Variants in SHLD1 observed in about 807,000 individuals in gnomAD.
SHLD1 encodes the protein shieldin complex subunit 1.
A neutral mutation model predicts 5.5 loss-of-function variants in SHLD1; 3 were observed. That is an observed-to-expected ratio of 0.54 (90% CI 0.25 to 1.40). The LOEUF (loss-of-function observed/expected upper bound fraction) is 1.40, where lower values mean the gene tolerates loss of function less well. Ranked by LOEUF, SHLD1 falls within the 40% of genes most tolerant of loss-of-function variation. The pLI is 0.15. For synonymous variants in SHLD1, 92 were observed against 94.3 expected, an observed-to-expected ratio of 0.98 and a Z score of 0.14; for missense variants, 210 against 244.4, an observed-to-expected ratio of 0.86 and a Z score of 0.94.
intron 2 of SHLD1, among the ~76,000 whole-genome samples, chr20:5,807,361 TTC>T (rs2087392618): frequency 1.3e-5 from 2 of 151,840 alleles, no homozygotes; most frequent in African/African-American, 4.8e-5. Context: ...CTTCTTTTCT[TTC>T]TCTCTCTTTC....
At chr20:5,805,249 C>T (rs1423657529) in intron 2 of SHLD1, among the ~76,000 whole-genome samples, 3 of 152,148 alleles carry the variant, frequency 2.0e-5, no homozygotes, top group Non-Finnish European at 4.4e-5. Flanking sequence ...ACTCTGCCCT[C>T]TGGGTTCAAG....
rs1053891790 is a variant in SHLD1 at position 5,805,577 on chromosome 20, G to A, written c.178+32534G>A. ...AAATAGGAATGTAAATGCTTGAACT[G>A]TTGATTAAATTTGTGTGTTGTGTTG... On this transcript the variant is annotated intron_variant, in intron 2 of 2. Coordinates refer to ENST00000303142, the MANE Select transcript of SHLD1 (RefSeq NM_152504.4). Among the ~76,000 whole-genome samples, 5 of 152,182 alleles carry A rather than the reference G, an allele frequency of 3.3e-5. 1 individual carries two copies. The East Asian group carries it at 9.7e-4, about 29-fold the overall frequency.
At chr20:5,785,997 C>T (rs776643528) in intron 2 of SHLD1, among the ~76,000 whole-genome samples, 1 of 152,060 alleles carries the variant, frequency 6.6e-6, no homozygotes, top group Non-Finnish European at 1.5e-5. Flanking sequence ...GTGGAAGAAG[C>T]TTGAACTACT....
At chr20:5,823,053 G>T (rs954177193) in intron 2 of SHLD1, among the ~76,000 whole-genome samples, 15 of 140,204 alleles carry the variant, frequency 1.1e-4, no homozygotes, top group African/African-American at 3.2e-4. Context: ...GAACTGTGGT[G>T]TCTTTTGTCC....
chr20:5,799,614 T>A (rs896939984), intron 2 of SHLD1, among the ~76,000 whole-genome samples: 1 of 151,844 alleles, frequency 6.6e-6, no homozygotes, highest in Admixed American at 6.6e-5. Context: ...GCGCCCAGCC[T>A]TCTGTTATCA....
At chr20:5,823,650 G>A (rs913682623) in intron 2 of SHLD1, among the ~76,000 whole-genome samples, 1 of 152,006 alleles carries the variant, frequency 6.6e-6, no homozygotes, top group East Asian at 1.9e-4. Flanking sequence ...GTTTCACCAT[G>A]TTGGCCAGGC....
At chr20:5,781,482 A>G (rs886684388) in intron 2 of SHLD1, among the ~76,000 whole-genome samples, 4 of 152,004 alleles carry the variant, frequency 2.6e-5, no homozygotes, top group African/African-American at 9.7e-5. Context: ...GTCATATTAC[A>G]CTACTTTTGT....
rs1473391202 is a variant in SHLD1, at chr20:5,817,432, C to CTCTCTCTCTCTG, written c.178+44390_178+44391insCTCTCTCTCTGT. On this transcript the variant is annotated intron_variant, in intron 2 of 2. Transcript: ENST00000303142. Reference sequence around the variant, plus strand: ...TCTCTCTCTCTCTCTCTCTCTCTCTCTGTGTGTGTGTGTGTGTGTGTGTGT... The same window carrying CTCTCTCTCTCTG: ...TCTCTCTCTCTCTCTCTCTCTCTCTCTCTCTCTCTCTGTGTGTGTGTGTGTGTGTGTGTGTGT... Among the ~76,000 whole-genome samples the CTCTCTCTCTCTG allele has an allele frequency of 6.6e-3, 564 of 85,610 alleles. 8 individuals carry two copies. Among genetic ancestry groups the CTCTCTCTCTCTG allele is most frequent in the African/African-American group, 0.02 (350 of 17,944 alleles). The allele number at this position is 85,610 out of a possible 152,430, so 56.2% of individuals were successfully genotyped here.
At chr20:5,756,744 T>A (rs2122177428) in intron 1 of SHLD1, 1 of 247,750 alleles carries the variant, frequency 4.0e-6, no homozygotes. Flanking sequence ...CAAGCTGGAG[T>A]ACAATGACAA....
chr20:5,825,034 G>T (rs971303314), intron 2 of SHLD1, among the ~76,000 whole-genome samples: 1 of 152,180 alleles, frequency 6.6e-6, no homozygotes, highest in African/African-American at 2.4e-5. Flanking sequence ...GAACCTGAAA[G>T]AATAAATAAT....
chr20:5,812,072 T>C (rs1366561282), intron 2 of SHLD1, among the ~76,000 whole-genome samples: 1 of 149,878 alleles, frequency 6.7e-6, no homozygotes, highest in Non-Finnish European at 1.5e-5. Context: ...TCTTTTTCTT[T>C]TTTTTTTCTT....
intron 2 of SHLD1, among the ~76,000 whole-genome samples, chr20:5,857,020 C>T (rs920433442): frequency 3.3e-5 from 5 of 152,170 alleles, no homozygotes; most frequent in African/African-American, 9.7e-5. Context: ...CTCACTCTGT[C>T]GCCCAGGCTG....
chr20:5,860,917 G>T (rs946571879), intron 2 of SHLD1, among the ~76,000 whole-genome samples: 1 of 145,822 alleles, frequency 6.9e-6, no homozygotes. Context: ...AAAAAGACGG[G>T]CCTGGGACAT....
chr20:5,805,591 T>C (rs2087362598), intron 2 of SHLD1, among the ~76,000 whole-genome samples: 1 of 152,008 alleles, frequency 6.6e-6, no homozygotes, highest in Non-Finnish European at 1.5e-5. Flanking sequence ...ATTAAATTTG[T>C]GTGTTGTGTT....
At chr20:5,792,656 G>C (rs2087157252) in intron 2 of SHLD1, among the ~76,000 whole-genome samples, 1 of 147,662 alleles carries the variant, frequency 6.8e-6, no homozygotes, top group South Asian at 2.2e-4. Flanking sequence ...CTGACCTCAG[G>C]TGATCTGCCG....
intron 2 of SHLD1, among the ~76,000 whole-genome samples, chr20:5,791,110 C>T (rs961016869): frequency 3.3e-5 from 5 of 152,018 alleles, no homozygotes; most frequent in African/African-American, 1.2e-4. Flanking sequence ...CTGCAGTGGG[C>T]TGTGATTGTG....
At chr20:5,817,293 C>T (rs1390432378) in intron 2 of SHLD1, among the ~76,000 whole-genome samples, 1 of 151,674 alleles carries the variant, frequency 6.6e-6, no homozygotes, top group Non-Finnish European at 1.5e-5. Context: ...TATTTTGCTG[C>T]CTTTTTATAA....
At chr20:5,798,286 G>T (rs1490114197) in intron 2 of SHLD1, among the ~76,000 whole-genome samples, 1 of 146,546 alleles carries the variant, frequency 6.8e-6, no homozygotes, top group Non-Finnish European at 1.5e-5. Flanking sequence ...TCCAAGAGAA[G>T]AAAAGTAGAA....
At chr20:5,798,388 C>T (rs1002555318) in intron 2 of SHLD1, among the ~76,000 whole-genome samples, 6 of 151,830 alleles carry the variant, frequency 4.0e-5, no homozygotes, top group Non-Finnish European at 7.4e-5. Context: ...CTGCCAGCTC[C>T]GCCTCCCGGG....
Sources: allele counts gnomAD v4.1 joint callset (sites outside exome capture counted in the v4.1 genomes callset), GRCh38; gene constraint gnomAD v4.1.1; transcripts MANE v1.5; gene names NCBI Gene and HGNC (gene_info 2026-07-23, HGNC 2026-07-21).